Variants in FAM120C observed in about 807,000 individuals in gnomAD.
FAM120C encodes the protein family with sequence similarity 120 member C, also known as constitutive coactivator of PPAR-gamma-like protein 2.
FAM120C carries 14 observed loss-of-function variants against 71.2 expected under a neutral mutation model. The ratio of observed to expected loss-of-function variants is 0.20; its 90% CI spans 0.13 to 0.31. The LOEUF (loss-of-function observed/expected upper bound fraction) is 0.31, where lower values mean the gene tolerates loss of function less well. Ranked by LOEUF, FAM120C falls within the 10% of genes least tolerant of loss-of-function variation. The pLI, the probability that FAM120C is intolerant of heterozygous loss-of-function variation, is 1.00. For synonymous variants in FAM120C, 354 were observed against 353.2 expected (o/e 1.00, Z -0.03); for missense variants, 500 against 879.0 (o/e 0.57, Z 5.45).
intron 3 of FAM120C, among the ~76,000 whole-genome samples, chrX:54,153,074 A>G (rs2067191665): frequency 1.8e-5 from 2 of 111,473 alleles, no homozygotes; most frequent in East Asian, 5.6e-4. Flanking sequence ...AGATGTAGAT[A>G]AGTGCTGTGC....
intron 1 of FAM120C, among the ~76,000 whole-genome samples, chrX:54,174,866 T>A (rs1337060609): frequency 2.7e-5 from 3 of 112,326 alleles, no homozygotes; most frequent in African/African-American, 9.7e-5. Flanking sequence ...AATTTCCTCA[T>A]GTGATACAGA....
intron 13 of FAM120C, 43 bp from the exon 14 acceptor site, chrX:54,081,503 G>A: frequency 8.5e-7 from 1 of 1,171,504 alleles, no homozygotes; most frequent in Non-Finnish European, 1.1e-6. Context: ...CAGGTGTGGT[G>A]GTTCACGCCT....
In FAM120C at chrX:54,069,947, T is replaced by A. The variant is rs1386284960; in HGVS notation, c.*3086A>T. On this transcript the variant is annotated 3_prime_UTR_variant, in exon 16 of 16. Coordinates refer to ENST00000375180, the MANE Select transcript of FAM120C (RefSeq NM_017848.6). The stretch of plus-strand genomic sequence containing the variant: ...TACACAACCAGTGTTTTGCTTATGG[T>A]CCTACAATGTAAAGGGGTCATTTCT... The A allele has an allele frequency of 9.0e-6, 1 of 111,623 alleles. No individual in the cohort carries two copies. Among genetic ancestry groups the A allele is most frequent in the Non-Finnish European group, 1.9e-5 (1 of 53,114 alleles). The allele number at this position is 111,623 out of a possible 1,213,427, so 9.2% of individuals were successfully genotyped here. A position where few individuals can be genotyped will look rare whatever the true frequency, so the allele number is the denominator to read the frequency against.
intron 9 of FAM120C, among the ~76,000 whole-genome samples, chrX:54,119,889 TG>T (rs2066998235): frequency 7.8e-5 from 1 of 12,859 alleles, no homozygotes; most frequent in Non-Finnish European, 1.3e-4. Context: ...AATTGATTTT[TG>T]TATAAGGTGT....
chrX:54,144,487 G>A (rs1382185553), intron 4 of FAM120C, among the ~76,000 whole-genome samples: 2 of 111,853 alleles, frequency 1.8e-5, no homozygotes, highest in Non-Finnish European at 3.8e-5. Context: ...CAAAATCAAT[G>A]TGCAAAAATC....
intron 10 of FAM120C, among the ~76,000 whole-genome samples, chrX:54,100,491 TCAAA>T (rs1162691195): frequency 6.4e-5 from 7 of 109,104 alleles, no homozygotes; most frequent in Non-Finnish European, 9.5e-5. Flanking sequence ...AGACTCCATC[TCAAA>T]CAAACAAATA....
In FAM120C at chrX:54,134,825, A is replaced by G; in HGVS notation, c.1616+6T>C. ...TACTTCCTTAGGTGTCTACAGAGAT[A>G]CTTACTCAGAGCTAGCTCCATTTGG... On this transcript the variant is annotated splice_donor_region_variant and intron_variant, in intron 7 of 15. Transcript: ENST00000375180. The G allele has an allele frequency of 8.3e-7, 1 of 1,205,781 alleles. No homozygotes were observed. The highest frequency in any genetic ancestry group is 1.1e-6 in the Non-Finnish European group (1 of 892,510).
intron 8 of FAM120C, among the ~76,000 whole-genome samples, 188 bp downstream of exon 8, chrX:54,133,583 CCA>C (rs1466330631): frequency 8.9e-6 from 1 of 112,246 alleles, no homozygotes; most frequent in Non-Finnish European, 1.9e-5. Context: ...GACTCATTTA[CCA>C]CACAGTCCCA....
Position 54,154,382 on chromosome X carries a change from G to A in FAM120C, c.1030-3009C>T, listed in dbSNP as rs370043124. 7.3e-5 allele frequency among the ~76,000 whole-genome samples: 8 copies of A among 109,176 alleles called. No homozygotes were observed. In the East Asian group the frequency reaches 1.5e-3, roughly 20 times the overall value. 94.8% of individuals were successfully genotyped at this position (109,176 alleles called of 115,157 possible). On this transcript the variant is annotated intron_variant, in intron 3 of 15. Transcript: ENST00000375180. The stretch of plus-strand genomic sequence containing the variant: ...AGCACTTTGGGAGGCCAAGGTGGGC[G>A]GATCACTTGAGCTCAGGAGTTTGAG...
At chrX:54,130,596 T>C (rs1189645650) in intron 9 of FAM120C, among the ~76,000 whole-genome samples, 2 of 111,329 alleles carry the variant, frequency 1.8e-5, no homozygotes, top group Non-Finnish European at 3.8e-5. Context: ...TGTGTCATTA[T>C]TGACAGGTGG....
intron 1 of FAM120C, among the ~76,000 whole-genome samples, chrX:54,168,407 T>C (rs1461650512): frequency 8.9e-6 from 1 of 112,104 alleles, no homozygotes; most frequent in Admixed American, 9.5e-5. Context: ...ACTGCTGGGA[T>C]TACAGGCATG....
Position 54,183,222 on chromosome X carries a change from T to A in FAM120C, c.-24A>T, listed in dbSNP as rs1557137951. 13 of 1,049,177 alleles carry A rather than the reference T, an allele frequency of 1.2e-5. No homozygotes were observed. Among genetic ancestry groups the A allele is most frequent in the Non-Finnish European group, 1.6e-5 (13 of 814,778 alleles). The allele number at this position is 1,049,177 out of a possible 1,213,427, so 86.5% of individuals were successfully genotyped here. A position where few individuals can be genotyped will look rare whatever the true frequency, so the allele number is the denominator to read the frequency against. On this transcript the variant is annotated 5_prime_UTR_variant, in exon 1 of 16. Transcript: ENST00000375180. ...ATGCTTCGTCGGTGGGCAGACGCGA[T>A]AGCGGCTGCGCAAGCAGGATAGGCG...
intron 10 of FAM120C, among the ~76,000 whole-genome samples, chrX:54,111,726 A>G (rs1557125771): frequency 8.9e-6 from 1 of 112,342 alleles, no homozygotes; most frequent in East Asian, 2.8e-4. Flanking sequence ...TAATCTACAG[A>G]TTAAATGTAA....
intron 4 of FAM120C, among the ~76,000 whole-genome samples, chrX:54,142,371 C>T (rs1446307392): frequency 8.9e-6 from 1 of 111,997 alleles, no homozygotes; most frequent in African/African-American, 3.2e-5. Flanking sequence ...TCGGGACACT[C>T]CCACCCTAAT....
chrX:54,103,426 A>G (rs1014414280), intron 10 of FAM120C, among the ~76,000 whole-genome samples: 4 of 112,097 alleles, frequency 3.6e-5, no homozygotes, highest in Non-Finnish European at 7.5e-5. Flanking sequence ...CAAGGTCAGC[A>G]AATCATTGCT....
intron 1 of FAM120C, among the ~76,000 whole-genome samples, chrX:54,160,950 T>G (rs782457577): frequency 1.8e-3 from 206 of 111,646 alleles, no homozygotes; most frequent in African/African-American, 6.2e-3. Flanking sequence ...TTCAATGCAT[T>G]AAACTTTTGC....
chrX:54,167,825 G>A (rs935172554), intron 1 of FAM120C, among the ~76,000 whole-genome samples: 1 of 109,093 alleles, frequency 9.2e-6, no homozygotes, highest in Non-Finnish European at 1.9e-5. Flanking sequence ...AAAATTAGCC[G>A]GGTGTGGTGG....
chrX:54,142,461 G>A (rs781868654), intron 4 of FAM120C, among the ~76,000 whole-genome samples: 4 of 111,595 alleles, frequency 3.6e-5, no homozygotes, highest in East Asian at 2.8e-4. Context: ...TCCTACACAC[G>A]GAGCCTTGCC....
At position 54,171,770 on chromosome X, in the gene FAM120C, G is replaced by A. The variant is rs966635697; in HGVS notation, c.699+10730C>T. The A allele has an allele frequency of 4.5e-5, 5 of 111,650 alleles. No homozygotes were observed. In the East Asian group the frequency reaches 1.4e-3, roughly 31 times the overall value. The allele number at this position is 111,650 out of a possible 1,213,427, so 9.2% of individuals were successfully genotyped here. Reference sequence around the variant, plus strand: ...TTTGGCATAGTGTTTTTTATATTTCGGTAACTACTTCCGAGGTATTTGTAG... The same window carrying A: ...TTTGGCATAGTGTTTTTTATATTTCAGTAACTACTTCCGAGGTATTTGTAG... On this transcript the variant is annotated intron_variant, in intron 1 of 15. Coordinates refer to ENST00000375180, the MANE Select transcript of FAM120C (RefSeq NM_017848.6).
Sources: gnomAD v4.1 joint callset for allele counts (sites outside exome capture counted in the v4.1 genomes callset) on GRCh38, gnomAD v4.1.1 for gene constraint, MANE v1.5 for transcripts, NCBI Gene and HGNC (gene_info 2026-07-23, HGNC 2026-07-21) for gene names.